Variants in FBXO8 observed in about 807,000 individuals in gnomAD.
The protein encoded by FBXO8 is F-box protein 8.
A neutral mutation model predicts 33.4 loss-of-function variants in FBXO8; 15 were observed. That is an observed-to-expected ratio of 0.45 (90% CI 0.30 to 0.69). The LOEUF (loss-of-function observed/expected upper bound fraction) is 0.69. Among genes scored for constraint, FBXO8 ranks in the 30% least tolerant of loss-of-function variants. FBXO8 has a pLI of 0.08. For missense variants in FBXO8, 274 were observed against 380.3 expected, an observed-to-expected ratio of 0.72 and a Z score of 2.32; for synonymous variants, 132 against 131.5, an observed-to-expected ratio of 1.00 and a Z score of -0.02.
In FBXO8 at chr4:174,237,480, T is replaced by C; in HGVS notation, c.892A>G (p.Asn298Asp). 3 of 1,613,828 alleles carry C rather than the reference T, an allele frequency of 1.9e-6. No homozygotes were observed. Among genetic ancestry groups the C allele is most frequent in the Non-Finnish European group, 2.5e-6 (3 of 1,179,762 alleles). The change falls in exon 6 of 6, where the codon AAT becomes GAT. Residue 298 changes from asparagine to aspartate, a missense_variant. Asn to Asp is a conservative substitution (Grantham distance 23). Coordinates refer to ENST00000393674, the MANE Select transcript of FBXO8 (RefSeq NM_012180.3). The surrounding 1 kb of genome is among the most constrained non-coding windows in gnomAD (Gnocchi z 4.4). ...FIRNTRRAAQ[N>D]ISEDFVGHLY... ...TGCCCTACAAAATCTTCACTAATAT[T>C]TTGAGCAGCGCGACGGGTATTTCGA...
At chr4:174,238,903 T>C (rs1056873872) in intron 5 of FBXO8, 91 bp downstream of exon 5, 16 of 775,604 alleles carry the variant, frequency 2.1e-5, no homozygotes, top group Middle Eastern at 6.3e-4. Context: ...TGAGAATATT[T>C]TTCCCCACAG....
At chr4:174,246,122 G>A (rs1029273330) in intron 3 of FBXO8, among the ~76,000 whole-genome samples, 9 of 151,954 alleles carry the variant, frequency 5.9e-5, no homozygotes, top group Non-Finnish European at 1.5e-5. Context: ...GAGAATGATA[G>A]AATAATGTTC....
In FBXO8 at chr4:174,278,254, A is replaced by C. The variant is rs17060454; in HGVS notation, c.-9+5156T>G. The stretch of plus-strand genomic sequence containing the variant: ...TACATTGAACACATAAAAAGCCCCT[A>C]CTCATTAAATTTAAAGATCTGGTCC... On this transcript the variant is annotated intron_variant, in intron 1 of 5. Transcript: ENST00000393674. This position sits in a 1 kb window ranked among gnomAD's most constrained non-coding sequence, Gnocchi z 4.1. 0.18 allele frequency among the ~76,000 whole-genome samples: 26,875 copies of C among 151,932 alleles called. 2,928 individuals are homozygous for C. Among genetic ancestry groups the C allele is most frequent in the East Asian group, 0.58 (3,009 of 5,160 alleles).
chr4:174,261,627 C>T lies in FBXO8; in HGVS notation c.329+1137G>A, dbSNP rs1483640274. 6.6e-6 allele frequency among the ~76,000 whole-genome samples: 1 copy of T among 151,854 alleles called. No individual in the cohort carries two copies. Among genetic ancestry groups the T allele is most frequent in the Non-Finnish European group, 1.5e-5 (1 of 67,862 alleles). Reference sequence around the variant, plus strand: ...TCCTCATTAACAGAATTTCCTCTCACGTAGTACTTTCACTATGTCAAACAA... The same window carrying T: ...TCCTCATTAACAGAATTTCCTCTCATGTAGTACTTTCACTATGTCAAACAA... On this transcript the variant is annotated intron_variant, in intron 2 of 5. Coordinates refer to ENST00000393674, the MANE Select transcript of FBXO8 (RefSeq NM_012180.3). The surrounding 1 kb of genome is among the most constrained non-coding windows in gnomAD (Gnocchi z 4.1).
At position 174,253,926 on chromosome 4, in the gene FBXO8, G is replaced by A. The variant is rs1736356276; in HGVS notation, c.456+5773C>T. Among the ~76,000 whole-genome samples, 1 of 152,096 alleles carries A rather than the reference G, an allele frequency of 6.6e-6. No homozygotes were observed. Among genetic ancestry groups the A allele is most frequent in the Admixed American group, 6.6e-5 (1 of 15,252 alleles). On this transcript the variant is annotated intron_variant, in intron 3 of 5. Transcript: ENST00000393674. The surrounding 1 kb of genome is among the most constrained non-coding windows in gnomAD (Gnocchi z 4.5). ...GTGGTAGCATCTTGCTATCAAGAGAGGGTGAAAGTCAACACACTCAGGTCC... is the reference window on the plus strand; with the variant it reads ...GTGGTAGCATCTTGCTATCAAGAGAAGGTGAAAGTCAACACACTCAGGTCC...
intron 1 of FBXO8, among the ~76,000 whole-genome samples, chr4:174,266,924 T>C (rs985308578): frequency 6.6e-6 from 1 of 152,226 alleles, no homozygotes; most frequent in African/African-American, 2.4e-5. Flanking sequence ...ATAAGCACTT[T>C]CATAAAGCTT....
chr4:174,251,995 G>T lies in FBXO8; in HGVS notation c.456+7704C>A, dbSNP rs1021005493. Among the ~76,000 whole-genome samples, 1 of 152,094 alleles carries T rather than the reference G, an allele frequency of 6.6e-6. No homozygotes were observed. The highest frequency in any genetic ancestry group is 1.9e-4 in the East Asian group (1 of 5,194). ...TAGCAATGTTTATTTATGAAACAGG[G>T]TCTTGCTTTGTCACTCAGGCTGGAG... On this transcript the variant is annotated intron_variant, in intron 3 of 5. Coordinates refer to ENST00000393674, the MANE Select transcript of FBXO8 (RefSeq NM_012180.3). This position sits in a 1 kb window ranked among gnomAD's most constrained non-coding sequence, Gnocchi z 4.2.
chr4:174,264,881 A>G (rs1337942774), intron 1 of FBXO8, among the ~76,000 whole-genome samples: 2 of 152,110 alleles, frequency 1.3e-5, no homozygotes, highest in Non-Finnish European at 2.9e-5. Flanking sequence ...ATATGATAAA[A>G]AGACTGTGCA....
intron 1 of FBXO8, among the ~76,000 whole-genome samples, chr4:174,280,819 C>G (rs759126386): frequency 6.6e-6 from 1 of 152,094 alleles, no homozygotes; most frequent in Non-Finnish European, 1.5e-5. Flanking sequence ...CAAACACTTC[C>G]GGTTTCCAAA....
chr4:174,282,017 A>G (rs2126455318), intron 1 of FBXO8, among the ~76,000 whole-genome samples: 1 of 152,344 alleles, frequency 6.6e-6, no homozygotes, highest in East Asian at 1.9e-4. Flanking sequence ...AATGAGGAAA[A>G]AATTAGTTGT....
chr4:174,276,488 G>A (rs904120164), intron 1 of FBXO8, among the ~76,000 whole-genome samples: 1 of 152,174 alleles, frequency 6.6e-6, no homozygotes, highest in Admixed American at 6.5e-5. Flanking sequence ...CGCCTGCCTC[G>A]GCCTCCCAGA....
chr4:174,269,854 C>T (rs891460351), intron 1 of FBXO8, among the ~76,000 whole-genome samples: 9 of 152,028 alleles, frequency 5.9e-5, no homozygotes, highest in Non-Finnish European at 4.4e-5. Flanking sequence ...AATAGGCAAA[C>T]GAATATGATC....
chr4:174,253,825 G>A lies in FBXO8; in HGVS notation c.456+5874C>T, dbSNP rs758203389. Among the ~76,000 whole-genome samples the A allele has an allele frequency of 3.4e-4, 51 of 152,178 alleles. No individual in the cohort carries two copies. The highest frequency in any genetic ancestry group is 1.3e-4 in the Non-Finnish European group (9 of 68,018). On this transcript the variant is annotated intron_variant, in intron 3 of 5. Transcript: ENST00000393674. The surrounding 1 kb of genome is among the most constrained non-coding windows in gnomAD (Gnocchi z 4.5). ...TCTCCCTAATAAGTATAAGGAATAT[G>A]AGGAGAAAGCTTCTTTTTCTGCCTC...
intron 1 of FBXO8, among the ~76,000 whole-genome samples, chr4:174,282,740 T>C (rs576059972): frequency 6.6e-6 from 1 of 152,188 alleles, no homozygotes; most frequent in Non-Finnish European, 1.5e-5. Context: ...AATGAATATT[T>C]TACTTGTAAA....
In FBXO8 at chr4:174,278,726, T is replaced by C. The variant is rs1034557670; in HGVS notation, c.-9+4684A>G. 6.6e-6 allele frequency among the ~76,000 whole-genome samples: 1 copy of C among 152,084 alleles called. No individual in the cohort carries two copies. Among genetic ancestry groups the C allele is most frequent in the African/African-American group, 2.4e-5 (1 of 41,428 alleles). On this transcript the variant is annotated intron_variant, in intron 1 of 5. Coordinates refer to ENST00000393674, the MANE Select transcript of FBXO8 (RefSeq NM_012180.3). This position sits in a 1 kb window ranked among gnomAD's most constrained non-coding sequence, Gnocchi z 4.1. ...GCCCACTAACCACAAAGGCCATTGC[T>C]ATGAGTGCTATGGAATTAAAAACCA...
rs1357556893 is a variant in FBXO8, at chr4:174,262,074, A to G, written c.329+690T>C. ...ACTTAGGTTCAATAAAACAGATTCT[A>G]TTCCAGCAAATGTTCTTAGATTTGT... On this transcript the variant is annotated intron_variant, in intron 2 of 5. Coordinates refer to ENST00000393674, the MANE Select transcript of FBXO8 (RefSeq NM_012180.3). The surrounding 1 kb of genome is among the most constrained non-coding windows in gnomAD (Gnocchi z 4.6). Among the ~76,000 whole-genome samples the G allele has an allele frequency of 1.3e-5, 2 of 152,150 alleles. No homozygotes were observed. The highest frequency in any genetic ancestry group is 4.8e-5 in the African/African-American group (2 of 41,462).
chr4:174,272,508 C>A lies in FBXO8; in HGVS notation c.-8-9408G>T, dbSNP rs72702244. ...ATGCAGATCCACAAATACTGAGGAC[C>A]AACTGTATAATCCATTACATAAAAA... On this transcript the variant is annotated intron_variant, in intron 1 of 5. Transcript: ENST00000393674. The surrounding 1 kb of genome is among the most constrained non-coding windows in gnomAD (Gnocchi z 4.7). Among the ~76,000 whole-genome samples, 2 of 151,994 alleles carry A rather than the reference C, an allele frequency of 1.3e-5. No homozygotes were observed. The highest frequency in any genetic ancestry group is 4.8e-5 in the African/African-American group (2 of 41,442).
chr4:174,239,980 G>T (rs952977588), intron 4 of FBXO8, among the ~76,000 whole-genome samples: 1 of 151,520 alleles, frequency 6.6e-6, no homozygotes, highest in African/African-American at 2.4e-5. Flanking sequence ...CAGCTACTGG[G>T]CCAGATCTGG....
At chr4:174,238,969 G>GTACT in intron 5 of FBXO8, 25 bp downstream of exon 5, 1 of 1,355,722 alleles carries the variant, frequency 7.4e-7, no homozygotes, top group Middle Eastern at 1.9e-4. Context: ...AGGGGGTGAT[G>GTACT]TACTATTAAT....
Sources: allele counts gnomAD v4.1 joint callset (sites outside exome capture counted in the v4.1 genomes callset), GRCh38; gene constraint gnomAD v4.1.1; non-coding constraint Gnocchi (gnomAD v3.1); transcripts MANE v1.5; gene names NCBI Gene and HGNC (gene_info 2026-07-23, HGNC 2026-07-21).